The following KCNN2 variants were observed in gnomAD, a reference collection of about 807,000 sequenced individuals.
The protein encoded by KCNN2 is potassium calcium-activated channel subfamily N member 2.
Under a neutral mutation model 55.5 loss-of-function variants are expected in KCNN2, and 24 were observed. The ratio of observed to expected loss-of-function variants is 0.43; its 90% confidence interval spans 0.31 to 0.61. The LOEUF (loss-of-function observed/expected upper bound fraction) is 0.61, where lower values mean the gene tolerates loss of function less well. Ranked by LOEUF, KCNN2 falls within the 20% of genes least tolerant of loss-of-function variation. The probability of loss-of-function intolerance (pLI) is 0.08; values close to 1 mark genes in which losing one functional copy is unlikely to be tolerated. For missense variants in KCNN2, 754 were observed against 853.6 expected (o/e 0.88, Z 1.45); for synonymous variants, 431 against 336.1 (o/e 1.28, Z -3.09).
chr5:114,124,323 A>G (rs1751885312), intron 1 of KCNN2, among the ~76,000 whole-genome samples: 1 of 152,202 alleles, frequency 6.6e-6, no homozygotes, highest in Admixed American at 6.5e-5. Flanking sequence ...ACTTTTCTTC[A>G]GAGATCTAGA....
At chr5:114,218,518 ATG>A (rs1304999455) in intron 1 of KCNN2, among the ~76,000 whole-genome samples, 2 of 152,236 alleles carry the variant, frequency 1.3e-5, no homozygotes, top group Non-Finnish European at 2.9e-5. Context: ...GATTCTAGCT[ATG>A]TGACATTATG....
At chr5:114,311,467 C>T (rs1756389809) in intron 2 of KCNN2, among the ~76,000 whole-genome samples, 1 of 152,050 alleles carries the variant, frequency 6.6e-6, no homozygotes, top group East Asian at 1.9e-4. Context: ...GAGTCTTTTT[C>T]CTTTATAGTT....
intron 2 of KCNN2, among the ~76,000 whole-genome samples, chr5:114,225,650 C>A (rs937765523): frequency 1.3e-5 from 2 of 150,926 alleles, no homozygotes; most frequent in African/African-American, 4.9e-5. Context: ...TTTGAGAACA[C>A]CAAGGATAAA....
At chr5:114,096,387 G>A (rs1561473720) in intron 1 of KCNN2, among the ~76,000 whole-genome samples, 1 of 152,094 alleles carries the variant, frequency 6.6e-6, no homozygotes, top group Admixed American at 6.6e-5. Context: ...GGCTTATTTG[G>A]TAATACAATC....
chr5:114,482,961 G>A (rs754368137), intron 5 of KCNN2, among the ~76,000 whole-genome samples: 3 of 151,826 alleles, frequency 2.0e-5, no homozygotes, highest in Non-Finnish European at 4.4e-5. Context: ...GGAATGATCT[G>A]TGCAGCAAAC....
At chr5:114,444,113 T>TG (rs993871970) in intron 3 of KCNN2, among the ~76,000 whole-genome samples, 10 of 152,162 alleles carry the variant, frequency 6.6e-5, no homozygotes, top group African/African-American at 2.4e-4. Flanking sequence ...ATCACTAGAA[T>TG]AAGGCAGTGG....
intron 5 of KCNN2, among the ~76,000 whole-genome samples, chr5:114,483,544 G>A (rs909364703): frequency 6.6e-6 from 1 of 151,992 alleles, no homozygotes; most frequent in Non-Finnish European, 1.5e-5. Context: ...CCAAAGTGCT[G>A]GGATTACAAA....
At chr5:114,057,907 G>A (rs1750245146) in intron 1 of KCNN2, among the ~76,000 whole-genome samples, 1 of 152,198 alleles carries the variant, frequency 6.6e-6, no homozygotes, top group South Asian at 2.1e-4. Context: ...AATATCAAGT[G>A]GTTGAAGAAG....
At chr5:114,190,271 A>T (rs1346167131) in intron 1 of KCNN2, among the ~76,000 whole-genome samples, 3 of 152,118 alleles carry the variant, frequency 2.0e-5, no homozygotes, top group Admixed American at 2.0e-4. Context: ...GCATATCTGC[A>T]CTGCTCTTGT....
chr5:114,257,174 T>C (rs1302909354), intron 2 of KCNN2, among the ~76,000 whole-genome samples: 1 of 152,154 alleles, frequency 6.6e-6, no homozygotes, highest in African/African-American at 2.4e-5. Flanking sequence ...GCTGTAGGTA[T>C]ATGGCTTTAT....
At chr5:114,174,747 A>C (rs1003547576) in intron 1 of KCNN2, among the ~76,000 whole-genome samples, 1 of 152,156 alleles carries the variant, frequency 6.6e-6, no homozygotes, top group Non-Finnish European at 1.5e-5. Flanking sequence ...TTAATTCCAA[A>C]AGGCCTGCTT....
chr5:114,309,023 A>T (rs990595898), intron 2 of KCNN2, among the ~76,000 whole-genome samples: 2 of 152,210 alleles, frequency 1.3e-5, no homozygotes, highest in African/African-American at 4.8e-5. Flanking sequence ...TGGAATGTTT[A>T]ATTCTAACAC....
At chr5:114,119,391 T>G (rs543629023) in intron 1 of KCNN2, among the ~76,000 whole-genome samples, 3 of 152,354 alleles carry the variant, frequency 2.0e-5, no homozygotes, top group Non-Finnish European at 2.9e-5. Flanking sequence ...TGGCTTCTTT[T>G]AGATACGAAG....
At chr5:114,493,143 C>G (rs982987901) in intron 6 of KCNN2, among the ~76,000 whole-genome samples, 5 of 152,154 alleles carry the variant, frequency 3.3e-5, no homozygotes, top group African/African-American at 1.2e-4. Flanking sequence ...ATGAGTCTTT[C>G]TGAATTCAAC....
intron 4 of KCNN2, among the ~76,000 whole-genome samples, chr5:114,464,095 C>A (rs1761333427): frequency 6.6e-6 from 1 of 152,124 alleles, no homozygotes; most frequent in South Asian, 2.1e-4. Context: ...TTCTGGCATG[C>A]CTCATAGGCT....
chr5:114,146,767 G>A (rs1400298149), intron 1 of KCNN2, among the ~76,000 whole-genome samples: 1 of 152,156 alleles, frequency 6.6e-6, no homozygotes, highest in Non-Finnish European at 1.5e-5. Flanking sequence ...GCATTAGTAT[G>A]AATGAGTTGA....
chr5:114,320,916 G>A (rs1756602592), intron 2 of KCNN2, among the ~76,000 whole-genome samples: 1 of 152,082 alleles, frequency 6.6e-6, no homozygotes, highest in South Asian at 2.1e-4. Context: ...TGAGGTTCAA[G>A]AGGAAATACC....
intron 2 of KCNN2, among the ~76,000 whole-genome samples, chr5:114,226,319 C>T (rs773800915): frequency 1.8e-4 from 27 of 151,988 alleles, no homozygotes; most frequent in South Asian, 4.2e-4. Context: ...TACAGTATAT[C>T]GATTTATATT....
chr5:114,058,556 C>T (rs188057221), intron 1 of KCNN2, among the ~76,000 whole-genome samples: 4 of 152,208 alleles, frequency 2.6e-5, no homozygotes, highest in Admixed American at 1.3e-4. Context: ...GAACTCAGTT[C>T]TATGTACTGT....
Sources: gnomAD v4.1 joint callset for allele counts (sites outside exome capture counted in the v4.1 genomes callset) on GRCh38, gnomAD v4.1.1 for gene constraint, MANE v1.5 for transcripts, NCBI Gene and HGNC (gene_info 2026-07-23, HGNC 2026-07-21) for gene names.